ADAMTS12: variants seen among roughly 807,000 people sequenced by gnomAD.
The protein encoded by ADAMTS12 is A disintegrin and metalloproteinase with thrombospondin motifs 12.
ADAMTS12 carries 118 observed loss-of-function variants against 167.8 expected under a neutral mutation model. That is an observed-to-expected ratio of 0.70 (90% CI 0.61 to 0.82). ADAMTS12 has a LOEUF of 0.82. ADAMTS12 is among the 40% of genes least tolerant of loss of function. The probability of loss-of-function intolerance (pLI) is 0.00; values close to 1 mark genes in which losing one functional copy is unlikely to be tolerated. For synonymous variants in ADAMTS12, 704 were observed against 716.9 expected (o/e 0.98, Z 0.29); for missense variants, 1,916 against 1,998.8 (o/e 0.96, Z 0.79).
chr5:33,813,788 C>T (rs1579958318), intron 2 of ADAMTS12, among the ~76,000 whole-genome samples: 3 of 152,204 alleles, frequency 2.0e-5, no homozygotes, highest in East Asian at 1.9e-4. Context: ...ATTCTCCAAT[C>T]CCCGTCAAGC....
At chr5:33,788,147 C>G (rs887606014) in intron 2 of ADAMTS12, among the ~76,000 whole-genome samples, 1 of 152,158 alleles carries the variant, frequency 6.6e-6, no homozygotes, top group Non-Finnish European at 1.5e-5. Flanking sequence ...GGAATATGGA[C>G]GCCTGTCCAC....
chr5:33,661,856 T>A, intron 6 of ADAMTS12, 60 bp downstream of exon 6: 1 of 1,605,848 alleles, frequency 6.2e-7, no homozygotes, highest in Non-Finnish European at 8.5e-7. Flanking sequence ...CTGGTAAGCC[T>A]TTCACCTGCC....
chr5:33,600,559 T>G (rs190895412), intron 16 of ADAMTS12, among the ~76,000 whole-genome samples: 1 of 152,334 alleles, frequency 6.6e-6, no homozygotes, highest in East Asian at 1.9e-4. Context: ...TGGTTAAAAC[T>G]ATAGTATTTC....
At chr5:33,570,399 C>T (rs1337846444) in intron 19 of ADAMTS12, among the ~76,000 whole-genome samples, 13 of 152,196 alleles carry the variant, frequency 8.5e-5, no homozygotes, top group South Asian at 6.2e-4. Flanking sequence ...GTGGATCTCT[C>T]GGCAGAAACT....
At chr5:33,642,075 T>C in intron 10 of ADAMTS12, 120 bp from the exon 11 acceptor site, 1 of 1,025,876 alleles carries the variant, frequency 9.7e-7, no homozygotes, top group Non-Finnish European at 1.4e-6. Context: ...TACAGTCACA[T>C]ATCAGATGTA....
intron 2 of ADAMTS12, among the ~76,000 whole-genome samples, chr5:33,868,639 C>T (rs998117971): frequency 1.3e-5 from 2 of 152,118 alleles, no homozygotes; most frequent in Non-Finnish European, 2.9e-5. Flanking sequence ...TTCTAGCAAC[C>T]TATGCTTATA....
At chr5:33,658,742 T>C (rs1339227437) in intron 6 of ADAMTS12, among the ~76,000 whole-genome samples, 2 of 152,306 alleles carry the variant, frequency 1.3e-5, no homozygotes, top group East Asian at 3.9e-4. Context: ...CTGAGGTCTG[T>C]GTTCAAAACT....
chr5:33,856,643 A>G (rs958752867), intron 2 of ADAMTS12, among the ~76,000 whole-genome samples: 2 of 152,152 alleles, frequency 1.3e-5, no homozygotes, highest in African/African-American at 4.8e-5. Context: ...GCAAATACGT[A>G]TATGAAAAGG....
At chr5:33,758,521 A>C (rs1401334891) in intron 2 of ADAMTS12, among the ~76,000 whole-genome samples, 1 of 152,222 alleles carries the variant, frequency 6.6e-6, no homozygotes, top group Admixed American at 6.5e-5. Context: ...GGCTTGTCTG[A>C]GGGCTGGAGA....
intron 6 of ADAMTS12, among the ~76,000 whole-genome samples, chr5:33,661,231 G>A (rs1311222739): frequency 6.6e-6 from 1 of 152,120 alleles, no homozygotes; most frequent in Admixed American, 6.5e-5. Flanking sequence ...TATATAGTAG[G>A]TGCTCAATAA....
intron 16 of ADAMTS12, among the ~76,000 whole-genome samples, chr5:33,610,251 G>A (rs13176570): frequency 0.87 from 131,712 of 152,200 alleles, 57,095 homozygotes; most frequent in Middle Eastern, 0.94. Flanking sequence ...ATTTTAAATT[G>A]ACTTGATGAG....
intron 17 of ADAMTS12, among the ~76,000 whole-genome samples, chr5:33,590,615 C>G (rs939841729): frequency 2.0e-5 from 3 of 152,196 alleles, no homozygotes; most frequent in African/African-American, 7.2e-5. Flanking sequence ...ATCTCCAGAA[C>G]TGTGAGAAAT....
At chr5:33,747,376 T>C (rs962392669) in intron 3 of ADAMTS12, among the ~76,000 whole-genome samples, 1 of 150,022 alleles carries the variant, frequency 6.7e-6, no homozygotes, top group African/African-American at 2.5e-5. Context: ...TACCACTTCA[T>C]ATTCACCAGA....
intron 2 of ADAMTS12, among the ~76,000 whole-genome samples, chr5:33,819,762 T>A (rs1404997695): frequency 1.3e-5 from 2 of 152,062 alleles, no homozygotes; most frequent in Non-Finnish European, 2.9e-5. Context: ...AGGAGCCATC[T>A]CATCTGGGGG....
At chr5:33,537,433 T>C (rs1022843987) in intron 22 of ADAMTS12, among the ~76,000 whole-genome samples, 1 of 152,244 alleles carries the variant, frequency 6.6e-6, no homozygotes, top group African/African-American at 2.4e-5. Context: ...GCATGTGGCC[T>C]TGGGCATGTG....
At chr5:33,580,775 GT>G (rs1747024102) in intron 18 of ADAMTS12, among the ~76,000 whole-genome samples, 1 of 152,152 alleles carries the variant, frequency 6.6e-6, no homozygotes, top group African/African-American at 2.4e-5. Context: ...GCAATTTTAT[GT>G]TAATAAAATT....
chr5:33,616,636 C>G (rs1312910761), intron 14 of ADAMTS12, among the ~76,000 whole-genome samples: 1 of 152,226 alleles, frequency 6.6e-6, no homozygotes, highest in Admixed American at 6.5e-5. Flanking sequence ...AGGAACTCAA[C>G]TCTGAGTACA....
intron 19 of ADAMTS12, among the ~76,000 whole-genome samples, chr5:33,573,690 G>A (rs1328914878): frequency 4.6e-5 from 7 of 152,096 alleles, no homozygotes; most frequent in African/African-American, 1.7e-4. Context: ...GCATGGGCAA[G>A]GACTTCATGT....
intron 20 of ADAMTS12, among the ~76,000 whole-genome samples, chr5:33,555,337 T>G (rs1363929678): frequency 6.6e-6 from 1 of 152,170 alleles, no homozygotes; most frequent in East Asian, 1.9e-4. Flanking sequence ...CTTTGCCTCT[T>G]GGGCTCAAGT....
Sources: gnomAD v4.1 joint callset for allele counts (sites outside exome capture counted in the v4.1 genomes callset) on GRCh38, gnomAD v4.1.1 for gene constraint, MANE v1.5 for transcripts, NCBI Gene and HGNC (gene_info 2026-07-23, HGNC 2026-07-21) for gene names.